TDRD3: variants seen among roughly 807,000 people sequenced by gnomAD.
The protein encoded by TDRD3 is tudor domain-containing protein 3.
In TDRD3, 45 loss-of-function variants were observed where a neutral mutation model predicts 86.7. The ratio of observed to expected loss-of-function variants is 0.52; its 90% confidence interval spans 0.41 to 0.67. TDRD3 has a LOEUF of 0.67. Ranked by LOEUF, TDRD3 falls within the 30% of genes least tolerant of loss-of-function variation. The pLI, the probability that TDRD3 is intolerant of heterozygous loss-of-function variation, is 0.00. For missense variants in TDRD3, 814 were observed against 889.0 expected (o/e 0.92, Z 1.07); for synonymous variants, 298 against 301.7 (o/e 0.99, Z 0.13).
At chr13:60,414,745 T>C (rs1221606206) in intron 1 of TDRD3, among the ~76,000 whole-genome samples, 1 of 152,138 alleles carries the variant, frequency 6.6e-6, no homozygotes, top group Non-Finnish European at 1.5e-5. Context: ...TATCAGGTGT[T>C]TTGAAATGGT....
intron 12 of TDRD3, chr13:60,538,024 C>G (rs1303243908): frequency 6.6e-6 from 1 of 151,866 alleles, no homozygotes; most frequent in East Asian, 1.9e-4. Flanking sequence ...TATGAAGTGA[C>G]TCGATGACTA....
chr13:60,541,670 G>A (rs1045893908), intron 12 of TDRD3, among the ~76,000 whole-genome samples: 2 of 127,140 alleles, frequency 1.6e-5, no homozygotes, highest in Non-Finnish European at 3.2e-5. Flanking sequence ...TTTCATTCAT[G>A]TATATCCAAT....
intron 8 of TDRD3, among the ~76,000 whole-genome samples, chr13:60,507,488 C>T (rs1265013306): frequency 6.6e-6 from 1 of 152,190 alleles, no homozygotes; most frequent in Non-Finnish European, 1.5e-5. Flanking sequence ...TAATAACAGT[C>T]TGTCAGACCA....
At chr13:60,553,231 A>G (rs111726327) in intron 12 of TDRD3, among the ~76,000 whole-genome samples, 2 of 152,334 alleles carry the variant, frequency 1.3e-5, no homozygotes, top group South Asian at 2.1e-4. Context: ...CGCTTTCAGG[A>G]TAAGCCAGGT....
chr13:60,455,977 G>T (rs1955660015), intron 3 of TDRD3, among the ~76,000 whole-genome samples: 1 of 150,518 alleles, frequency 6.6e-6, no homozygotes, highest in African/African-American at 2.4e-5. Context: ...GGCTGAGGAA[G>T]GAGAATCACT....
chr13:60,534,522 C>T (rs1957656534), intron 11 of TDRD3, among the ~76,000 whole-genome samples: 1 of 151,984 alleles, frequency 6.6e-6, no homozygotes, highest in African/African-American at 2.4e-5. Flanking sequence ...TTCATTCTAG[C>T]CACTTGTGAT....
At chr13:60,542,573 T>C (rs1957841326) in intron 12 of TDRD3, among the ~76,000 whole-genome samples, 1 of 152,228 alleles carries the variant, frequency 6.6e-6, no homozygotes, top group Admixed American at 6.5e-5. Flanking sequence ...ACTCCCTCAG[T>C]GCAGCTTCTC....
rs1487874205 is a variant in TDRD3 at position 60,483,772 on chromosome 13, C to T, written c.496-3C>T. 2 of 1,602,906 alleles carry T rather than the reference C, an allele frequency of 1.2e-6. No homozygotes were observed. The highest frequency in any genetic ancestry group is 1.7e-5 in the Admixed American group (1 of 58,546). ...CTCTTTTGTGACTGGATTTTTTCCG[C>T]AGAGCTTATCAAAACACAATAGAAG... On this transcript the variant is annotated splice_polypyrimidine_tract_variant and splice_region_variant and intron_variant, in intron 5 of 13. Transcript: ENST00000377881.
chr13:60,459,297 A>C (rs912950150), intron 3 of TDRD3, among the ~76,000 whole-genome samples: 4 of 152,136 alleles, frequency 2.6e-5, no homozygotes, highest in African/African-American at 9.7e-5. Context: ...TTTTCCCCTA[A>C]GGTATGATAC....
At chr13:60,566,788 T>C (rs1958469882) in intron 12 of TDRD3, among the ~76,000 whole-genome samples, 1 of 152,184 alleles carries the variant, frequency 6.6e-6, no homozygotes, top group Non-Finnish European at 1.5e-5. Flanking sequence ...TCAAATATTA[T>C]CATTAACTAT....
chr13:60,427,296 G>A (rs528277331), intron 1 of TDRD3, among the ~76,000 whole-genome samples: 3 of 152,250 alleles, frequency 2.0e-5, no homozygotes, highest in Admixed American at 1.3e-4. Context: ...TTCTTTGTAT[G>A]TTGGGTAATT....
intron 1 of TDRD3, among the ~76,000 whole-genome samples, chr13:60,407,557 C>T (rs1954264218): frequency 6.6e-6 from 1 of 152,038 alleles, no homozygotes; most frequent in Admixed American, 6.5e-5. Flanking sequence ...AGAGATATAA[C>T]TAGTGATAAT....
chr13:60,409,278 AG>A (rs1387773414), intron 1 of TDRD3, among the ~76,000 whole-genome samples: 1 of 152,244 alleles, frequency 6.6e-6, no homozygotes, highest in East Asian at 1.9e-4. Context: ...GTAGTGCAGA[AG>A]GGAAATGTGG....
At chr13:60,431,509 T>C (rs1954952144) in intron 1 of TDRD3, among the ~76,000 whole-genome samples, 1 of 151,882 alleles carries the variant, frequency 6.6e-6, no homozygotes, top group East Asian at 1.9e-4. Flanking sequence ...AATTTTTTGT[T>C]TGGCTACTGA....
chr13:60,458,650 C>A (rs1955733253), intron 3 of TDRD3, among the ~76,000 whole-genome samples: 1 of 152,140 alleles, frequency 6.6e-6, no homozygotes, highest in South Asian at 2.1e-4. Flanking sequence ...TCATCACCAA[C>A]TGTGTGATGG....
intron 8 of TDRD3, among the ~76,000 whole-genome samples, chr13:60,499,640 A>C (rs1307758515): frequency 6.6e-6 from 1 of 152,230 alleles, no homozygotes; most frequent in Non-Finnish European, 1.5e-5. Context: ...TATTGGTGAG[A>C]TATTTGCATG....
At chr13:60,525,453 G>C (rs956068814) in intron 10 of TDRD3, among the ~76,000 whole-genome samples, 6 of 151,496 alleles carry the variant, frequency 4.0e-5, no homozygotes, top group African/African-American at 1.5e-4. Context: ...GGATTACAGG[G>C]GTGAACCACC....
At chr13:60,515,680 C>CT in intron 10 of TDRD3, among the ~76,000 whole-genome samples, 1 of 152,226 alleles carries the variant, frequency 6.6e-6, no homozygotes, top group South Asian at 2.1e-4. Context: ...CTTAGGTGAG[C>CT]TGGGGTATAT....
chr13:60,509,845 A>G lies in TDRD3; in HGVS notation c.941A>G (p.Asn314Ser), dbSNP rs1454438935. 2.5e-6 allele frequency: 4 copies of G among 1,613,824 alleles called. No homozygotes were observed. Among genetic ancestry groups the G allele is most frequent in the East Asian group, 2.2e-5 (1 of 44,878 alleles). Residue 314 changes from asparagine (N) to serine (S), a missense_variant, in exon 9 of 14, where the codon AAC becomes AGC. Transcript: ENST00000377881. ...AGGCAAGCTCTTATGGATAATGGCA[A>G]CAACTTAGAAGCAGCACTGAACGTA... The part of the protein sequence containing the change: ...ASRQALMDNG[N>S]NLEAALNVLL...
Sources: allele counts gnomAD v4.1 joint callset (sites outside exome capture counted in the v4.1 genomes callset), GRCh38; gene constraint gnomAD v4.1.1; transcripts MANE v1.5; gene names NCBI Gene and HGNC (gene_info 2026-07-23, HGNC 2026-07-21).